Variants in PCNT observed in about 807,000 individuals in gnomAD.
PCNT encodes the protein kendrin.
In PCNT, 319 loss-of-function variants were observed where a neutral mutation model predicts 380.4. That is an observed-to-expected ratio of 0.84 (90% CI 0.77 to 0.92). The LOEUF (loss-of-function observed/expected upper bound fraction) is 0.92. Among genes scored for constraint, PCNT ranks in the 40% least tolerant of loss-of-function variants. The pLI, the probability that PCNT is intolerant of heterozygous loss-of-function variation, is 0.00. For missense variants in PCNT, 4,400 were observed against 4,255.3 expected (o/e 1.03, Z -0.95); for synonymous variants, 1,845 against 1,735.2 (o/e 1.06, Z -1.57).
At chr21:46,426,233 C>T (rs2087500201) in intron 33 of PCNT, among the ~76,000 whole-genome samples, 2 of 151,960 alleles carry the variant, frequency 1.3e-5, no homozygotes, top group Non-Finnish European at 2.9e-5. Flanking sequence ...GGGCTTTCAC[C>T]ATCTTAGCTA....
intron 2 of PCNT, among the ~76,000 whole-genome samples, chr21:46,327,143 C>T (rs1221322234): frequency 6.6e-6 from 1 of 151,842 alleles, no homozygotes; most frequent in East Asian, 1.9e-4. Context: ...TCACTGCAAG[C>T]TCCGCCTCCC....
chr21:46,364,069 G>T, intron 14 of PCNT, 135 bp downstream of exon 14: 1 of 773,468 alleles, frequency 1.3e-6, no homozygotes, highest in Non-Finnish European at 2.1e-6. Context: ...GGAACAAGGT[G>T]TGGCGCTCTA....
intron 35 of PCNT, 137 bp from the exon 36 acceptor site, chr21:46,429,873 G>A: frequency 1.5e-6 from 1 of 688,534 alleles, no homozygotes; most frequent in Non-Finnish European, 2.5e-6. Flanking sequence ...CGCAGTGAAA[G>A]CTTCTAGTCC....
intron 28 of PCNT, 93 bp downstream of exon 28, chr21:46,412,160 G>A: frequency 7.0e-7 from 1 of 1,421,600 alleles, no homozygotes; most frequent in South Asian, 1.3e-5. Context: ...TGGGCACTGG[G>A]GGCTGCAGTT....
At chr21:46,342,046 A>T (rs953170829) in intron 3 of PCNT, among the ~76,000 whole-genome samples, 1 of 150,848 alleles carries the variant, frequency 6.6e-6, no homozygotes, top group East Asian at 1.9e-4. Flanking sequence ...GGTTCAAGTG[A>T]TTCTCATGCC....
At chr21:46,367,823 T>G (rs2084981067) in intron 15 of PCNT, among the ~76,000 whole-genome samples, 1 of 86,946 alleles carries the variant, frequency 1.2e-5, no homozygotes, top group Non-Finnish European at 2.3e-5. Flanking sequence ...ATTCAGAGCC[T>G]TGGTCCCCTC....
chr21:46,444,683 T>C lies in PCNT; in HGVS notation c.9840-11T>C. ...TTTTTTTCTTCTCTTGGTGTGGTAA[T>C]TTGTTTGAAGAGCCACTCCATCCCC... On this transcript the variant is annotated splice_polypyrimidine_tract_variant and intron_variant, in intron 45 of 46. Coordinates refer to ENST00000359568, the MANE Select transcript of PCNT (RefSeq NM_006031.6). The C allele has an allele frequency of 6.2e-7, 1 of 1,608,720 alleles. No individual in the cohort carries two copies. Among genetic ancestry groups the C allele is most frequent in the Non-Finnish European group, 8.5e-7 (1 of 1,176,788 alleles).
Position 46,384,397 on chromosome 21 carries a change from T to C in PCNT, c.3313-1435T>C, listed in dbSNP as rs1160585095. ...TGACGGAAGCGCATTCACGGTGTTG[T>C]GCATTCAGCAGCGGAAGCGCATTCA... On this transcript the variant is annotated intron_variant, in intron 16 of 46. Transcript: ENST00000359568. 8.2e-5 allele frequency among the ~76,000 whole-genome samples: 12 copies of C among 147,126 alleles called. 1 individual carries two copies. The highest frequency in any genetic ancestry group is 4.5e-5 in the Non-Finnish European group (3 of 66,390).
At chr21:46,403,338 T>C (rs1359092129) in intron 27 of PCNT, among the ~76,000 whole-genome samples, 2 of 140,484 alleles carry the variant, frequency 1.4e-5, no homozygotes, top group Non-Finnish European at 3.1e-5. Context: ...GTGTGTGTGG[T>C]GCCCACGCGG....
In PCNT at chr21:46,443,800, T is replaced by A; in HGVS notation, c.9701-10T>A. Reference sequence around the variant, plus strand: ...CCTAATCCCTTGGTTGTTAAATAATTCTGGGGAAGGGCCCCGAGCACGACA... The same window carrying A: ...CCTAATCCCTTGGTTGTTAAATAATACTGGGGAAGGGCCCCGAGCACGACA... On this transcript the variant is annotated splice_polypyrimidine_tract_variant and intron_variant, in intron 44 of 46. Transcript: ENST00000359568. 6.2e-7 allele frequency: 1 copy of A among 1,613,768 alleles called. No homozygotes were observed. The highest frequency in any genetic ancestry group is 8.5e-7 in the Non-Finnish European group (1 of 1,179,904).
chr21:46,426,069 C>CTTTTTTTTCT, intron 33 of PCNT, 98 bp downstream of exon 33: 1 of 306,144 alleles, frequency 3.3e-6, no homozygotes, highest in Non-Finnish European at 5.5e-6. Context: ...GGATTTCTTT[C>CTTTTTTTTCT]TTTTTTTTTT....
rs559138461 is a variant in PCNT at position 46,398,651 on chromosome 21, A to G, written c.4584+396A>G. On this transcript the variant is annotated intron_variant, in intron 24 of 46. Coordinates refer to ENST00000359568, the MANE Select transcript of PCNT (RefSeq NM_006031.6). ...TCGGGCAACCACTCATCTGTCGTCT[A>G]TTTCTAAAACTTTACCATCTTCCTG... Among the ~76,000 whole-genome samples, 22 of 152,150 alleles carry G rather than the reference A, an allele frequency of 1.4e-4. No individual in the cohort carries two copies. In the South Asian group the frequency reaches 3.7e-3, roughly 26 times the overall value.
Position 46,324,996 on chromosome 21 carries a change from C to G in PCNT, c.54+714C>G, listed in dbSNP as rs2083323935. 1.3e-5 allele frequency: 13 copies of G among 984,612 alleles called. No homozygotes were observed. The South Asian group carries it at 5.2e-4, about 39-fold the overall frequency. The allele number at this position is 984,612 out of a possible 1,614,324, so 61.0% of individuals were successfully genotyped here. ...CCCGTCCGGGCCTGGCGTACGCTGCCGGGAACCCACGCGGCGCTGGCGCCG... is the reference window on the plus strand; with the variant it reads ...CCCGTCCGGGCCTGGCGTACGCTGCGGGGAACCCACGCGGCGCTGGCGCCG... On this transcript the variant is annotated intron_variant, in intron 1 of 46. Coordinates refer to ENST00000359568, the MANE Select transcript of PCNT (RefSeq NM_006031.6).
chr21:46,338,947 A>G (rs2083837083), intron 3 of PCNT, among the ~76,000 whole-genome samples: 1 of 152,040 alleles, frequency 6.6e-6, no homozygotes, highest in Admixed American at 6.6e-5. Flanking sequence ...TCACTTGGCT[A>G]ATTTTTGTAT....
Position 46,411,824 on chromosome 21 carries a change from C to T in PCNT, c.5751C>T (p.Pro1917=), listed in dbSNP as rs777375146. 103 of 1,573,566 alleles carry T rather than the reference C, an allele frequency of 6.5e-5. No homozygotes were observed. Among genetic ancestry groups the T allele is most frequent in the African/African-American group, 2.6e-4 (19 of 74,190 alleles). Residue 1917 remains proline (P), a synonymous_variant, in exon 28 of 47, where the codon CCC becomes CCT. Transcript: ENST00000359568. ...CCCTGGCAGCCGGGGCGGCGCCTCC[C>T]GAGCTGCAGTGGCTCCGAGCGCAGT... is the stretch of plus-strand genomic sequence containing the variant. ...QQPLAAGAAP[P]ELQWLRAQCA... is the part of the protein sequence containing the mutation.
At chr21:46,441,363 G>T (rs1258661426) in intron 43 of PCNT, among the ~76,000 whole-genome samples, 1 of 152,188 alleles carries the variant, frequency 6.6e-6, no homozygotes, top group Admixed American at 6.5e-5. Flanking sequence ...CACAAAGAAC[G>T]TGCTGAATTT....
chr21:46,386,312 G>A (rs562093634), intron 17 of PCNT, among the ~76,000 whole-genome samples: 8 of 152,150 alleles, frequency 5.3e-5, no homozygotes, highest in Non-Finnish European at 1.2e-4. Context: ...CTGCGTCCCC[G>A]CAGCGTGTCC....
rs1248085063 is a variant in PCNT at position 46,346,964 on chromosome 21, G to A, written c.942G>A (p.Lys314=). Reference sequence around the variant, plus strand: ...TCAGGGAGCAGCACGCACGGGAGAAGGAGGAGGTGGTGCTCAGGTGTGGAC... The same window carrying A: ...TCAGGGAGCAGCACGCACGGGAGAAAGAGGAGGTGGTGCTCAGGTGTGGAC... ...ELLREQHARE[K]EEVVLRCGQE... The change falls in exon 5 of 47, where the codon AAG becomes AAA. Residue 314 remains lysine, a synonymous_variant. Transcript: ENST00000359568. 6.3e-7 allele frequency: 1 copy of A among 1,596,646 alleles called. No individual in the cohort carries two copies. Among genetic ancestry groups the A allele is most frequent in the Non-Finnish European group, 8.5e-7 (1 of 1,173,850 alleles).
intron 15 of PCNT, among the ~76,000 whole-genome samples, chr21:46,372,462 G>A (rs1287045346): frequency 1.3e-5 from 2 of 152,230 alleles, no homozygotes; most frequent in Non-Finnish European, 2.9e-5. Flanking sequence ...ATGAATGCCT[G>A]GGGCCCTCCT....
Sources: allele counts gnomAD v4.1 joint callset (sites outside exome capture counted in the v4.1 genomes callset), GRCh38; gene constraint gnomAD v4.1.1; transcripts MANE v1.5; gene names NCBI Gene and HGNC (gene_info 2026-07-23, HGNC 2026-07-21).